COL22A1: variants seen among roughly 807,000 people sequenced by gnomAD.
COL22A1 encodes the protein collagen type XXII alpha 1 chain.
Under a neutral mutation model 248.9 loss-of-function variants are expected in COL22A1, and 221 were observed. That is an observed-to-expected ratio of 0.89 (90% CI 0.80 to 0.99). The LOEUF (loss-of-function observed/expected upper bound fraction) is 0.99, where lower values mean the gene tolerates loss of function less well. COL22A1 is among the 50% of genes least tolerant of loss of function. The probability of loss-of-function intolerance (pLI) is 0.00; values close to 1 mark genes in which losing one functional copy is unlikely to be tolerated. For missense variants in COL22A1, 2,240 were observed against 2,179.0 expected (o/e 1.03, Z -0.56); for synonymous variants, 891 against 793.4 (o/e 1.12, Z -2.07).
At chr8:138,669,173 G>C (rs538304537) in intron 41 of COL22A1, among the ~76,000 whole-genome samples, 8 of 152,300 alleles carry the variant, frequency 5.3e-5, no homozygotes, top group African/African-American at 1.9e-4. Flanking sequence ...CTGCGGAGTG[G>C]CGAAGGGGTC....
chr8:138,883,305 C>T (rs1824383864), intron 1 of COL22A1, 61 bp from the exon 2 acceptor site: 1 of 901,890 alleles, frequency 1.1e-6, no homozygotes, highest in Non-Finnish European at 1.7e-6. Context: ...GAGAGGCAAA[C>T]TCTGGGCCCT....
In COL22A1 at chr8:138,613,864, C is replaced by A; in HGVS notation, c.3978+3G>T. ...AGCACATTAGTCGCAAAGCAAAACT[C>A]ACCGGTGGGCCCCTTGGTCCTTGGG... On this transcript the variant is annotated splice_donor_region_variant and intron_variant, in intron 56 of 64. Coordinates refer to ENST00000303045, the MANE Select transcript of COL22A1 (RefSeq NM_152888.3). 1 of 1,613,688 alleles carries A rather than the reference C, an allele frequency of 6.2e-7. No homozygotes were observed. The highest frequency in any genetic ancestry group is 8.5e-7 in the Non-Finnish European group (1 of 1,179,554).
intron 23 of COL22A1, among the ~76,000 whole-genome samples, chr8:138,728,960 T>C (rs1433859147): frequency 6.6e-6 from 1 of 151,958 alleles, no homozygotes. Context: ...GCACTGCTGA[T>C]GAGCCCGTGA....
At chr8:138,809,207 G>A in intron 9 of COL22A1, among the ~76,000 whole-genome samples, 1 of 152,158 alleles carries the variant, frequency 6.6e-6, no homozygotes, top group East Asian at 1.9e-4. Context: ...CCCTGTGCTT[G>A]GGAAGTTCTC....
At chr8:138,693,620 G>C (rs771861514) in intron 35 of COL22A1, 26 bp downstream of exon 35, 1 of 1,568,510 alleles carries the variant, frequency 6.4e-7, no homozygotes, top group Non-Finnish European at 8.6e-7. Context: ...GCTCCCCCAC[G>C]AGGCAGGCCG....
Position 138,755,471 on chromosome 8 carries a change from G to GT in COL22A1, c.1977+10dup, listed in dbSNP as rs1832921505. 2 of 1,611,430 alleles carry GT rather than the reference G, an allele frequency of 1.2e-6. No individual in the cohort carries two copies. The highest frequency in any genetic ancestry group is 1.7e-5 in the Admixed American group (1 of 59,996). ...AAATCCCCATGAGAAGAAGACGCGT[G>GT]TGCCTCTTACCTGTTCCCCTTTCAA... On this transcript the variant is annotated intron_variant, in intron 20 of 64. Transcript: ENST00000303045.
At chr8:138,704,278 G>C (rs764047767) in intron 30 of COL22A1, among the ~76,000 whole-genome samples, 1 of 152,180 alleles carries the variant, frequency 6.6e-6, no homozygotes, top group East Asian at 1.9e-4. Context: ...AGAGAGTAGT[G>C]GTTCTCCCAG....
chr8:138,666,040 T>C (rs564091393), intron 41 of COL22A1, among the ~76,000 whole-genome samples: 7 of 151,792 alleles, frequency 4.6e-5, no homozygotes, highest in African/African-American at 1.7e-4. Flanking sequence ...AACTAAAAAA[T>C]ATATATATAT....
At chr8:138,812,622 G>A (rs1414405910) in intron 8 of COL22A1, among the ~76,000 whole-genome samples, 3 of 152,084 alleles carry the variant, frequency 2.0e-5, no homozygotes, top group East Asian at 1.9e-4. Context: ...TCCTCTGGGC[G>A]CTGGTGGCAC....
At chr8:138,615,956 C>T (rs754828687) in intron 55 of COL22A1, 45 bp downstream of exon 55, 3 of 1,484,678 alleles carry the variant, frequency 2.0e-6, no homozygotes, top group Non-Finnish European at 2.8e-6. Flanking sequence ...TTGATACACC[C>T]ACCCCCAGCC....
chr8:138,905,421 G>A (rs952944820), intron 1 of COL22A1, among the ~76,000 whole-genome samples: 1 of 152,170 alleles, frequency 6.6e-6, no homozygotes, highest in Non-Finnish European at 1.5e-5. Flanking sequence ...CTGAAGGAAA[G>A]GCCAGTGGCT....
intron 22 of COL22A1, among the ~76,000 whole-genome samples, chr8:138,745,609 A>G (rs542099828): frequency 6.6e-6 from 1 of 152,348 alleles, no homozygotes; most frequent in African/African-American, 2.4e-5. Flanking sequence ...CTTACATTCT[A>G]TTAAAGAAAA....
Position 138,725,394 on chromosome 8 carries a change from C to G in COL22A1, c.2186G>C (p.Gly729Ala), listed in dbSNP as rs2131170091. The G allele has an allele frequency of 6.2e-7, 1 of 1,614,120 alleles. No homozygotes were observed. The highest frequency in any genetic ancestry group is 2.2e-5 in the East Asian group (1 of 44,856). The change falls in exon 24 of 65, where the codon GGT becomes GCT. Residue 729 changes from glycine to alanine, a missense_variant. Physicochemically the swap from Gly to Ala is moderately conservative, Grantham distance 60. Transcript: ENST00000303045. ...AATCAAAGCCAGTCTTACCGGAGAA[C>G]CTCCCGGTCCAGGGGGGCCTGGGAC... is the stretch of plus-strand genomic sequence containing the variant. Reference protein sequence around the residue: ...PGVPGPPGPGGSPGLPGEIGF... With the variant: ...PGVPGPPGPGASPGLPGEIGF...
At chr8:138,782,067 T>A (rs549995555) in intron 12 of COL22A1, among the ~76,000 whole-genome samples, 1 of 152,386 alleles carries the variant, frequency 6.6e-6, no homozygotes, top group East Asian at 1.9e-4. Context: ...GGCATATACA[T>A]GCTTTTAAAA....
chr8:138,795,488 C>G (rs1332337463), intron 12 of COL22A1, among the ~76,000 whole-genome samples: 1 of 149,434 alleles, frequency 6.7e-6, no homozygotes, highest in Non-Finnish European at 1.5e-5. Flanking sequence ...AGGTATTTGT[C>G]TCCATCATTA....
chr8:138,839,445 G>A (rs544231083), intron 4 of COL22A1, among the ~76,000 whole-genome samples: 18 of 152,150 alleles, frequency 1.2e-4, no homozygotes, highest in African/African-American at 4.3e-4. Context: ...AATACCATCT[G>A]GTTTCTATTT....
At chr8:138,616,495 C>A (rs759099174) in intron 54 of COL22A1, among the ~76,000 whole-genome samples, 15 of 152,204 alleles carry the variant, frequency 9.9e-5, no homozygotes, top group Non-Finnish European at 2.2e-4. Flanking sequence ...AGAAAATAGT[C>A]TCTGGAGTCT....
chr8:138,716,656 C>T (rs771112618), intron 28 of COL22A1, among the ~76,000 whole-genome samples, 169 bp downstream of exon 28: 2 of 152,166 alleles, frequency 1.3e-5, no homozygotes, highest in Non-Finnish European at 2.9e-5. Flanking sequence ...GGCCACCACT[C>T]GTGACATCTG....
intron 1 of COL22A1, among the ~76,000 whole-genome samples, chr8:138,883,529 G>A (rs909558081): frequency 4.6e-5 from 7 of 152,166 alleles, no homozygotes; most frequent in Admixed American, 4.6e-4. Context: ...ACCACATCCC[G>A]CCTGGTATGG....
Sources: allele counts gnomAD v4.1 joint callset (sites outside exome capture counted in the v4.1 genomes callset), GRCh38; gene constraint gnomAD v4.1.1; transcripts MANE v1.5; gene names NCBI Gene and HGNC (gene_info 2026-07-23, HGNC 2026-07-21).